The following SYNDIG1 variants were observed in gnomAD, a reference collection of about 807,000 sequenced individuals.
SYNDIG1 encodes the protein synapse differentiation inducing 1.
In SYNDIG1, 9 loss-of-function variants were observed where a neutral mutation model predicts 19.4. The ratio of observed to expected loss-of-function variants is 0.46; its 90% confidence interval spans 0.28 to 0.81. The LOEUF is 0.81. SYNDIG1 is among the 30% of genes least tolerant of loss of function. The probability of loss-of-function intolerance (pLI) is 0.12; values close to 1 mark genes in which losing one functional copy is unlikely to be tolerated. For synonymous variants in SYNDIG1, 141 were observed against 145.9 expected (o/e 0.97, Z 0.24); for missense variants, 311 against 343.3 (o/e 0.91, Z 0.74).
intron 3 of SYNDIG1, among the ~76,000 whole-genome samples, chr20:24,661,274 A>G (rs1005991411): frequency 4.2e-5 from 6 of 142,652 alleles, no homozygotes; most frequent in African/African-American, 1.5e-4. Context: ...CTTCTGTTAC[A>G]GAGCAAGTGA....
intron 1 of SYNDIG1, chr20:24,491,371 A>G: frequency 6.6e-6 from 1 of 152,310 alleles, no homozygotes; most frequent in East Asian, 1.9e-4. Context: ...GTCATGTCCG[A>G]ACAACGCCAA....
intron 3 of SYNDIG1, among the ~76,000 whole-genome samples, chr20:24,617,891 C>T (rs965681484): frequency 3.6e-5 from 5 of 137,926 alleles, no homozygotes; most frequent in Admixed American, 7.2e-5. Context: ...GGGTTGAGAG[C>T]CCGGGGAGCG....
intron 3 of SYNDIG1, among the ~76,000 whole-genome samples, chr20:24,600,549 T>A (rs2058663767): frequency 6.6e-6 from 1 of 152,048 alleles, no homozygotes; most frequent in African/African-American, 2.4e-5. Context: ...TGCACATTTT[T>A]ATTATTTTAC....
chr20:24,594,623 G>T (rs1354243501), intron 3 of SYNDIG1, among the ~76,000 whole-genome samples: 2 of 152,116 alleles, frequency 1.3e-5, no homozygotes, highest in South Asian at 2.1e-4. Context: ...AGGCAGTATG[G>T]CCATTTTAAC....
intron 1 of SYNDIG1, among the ~76,000 whole-genome samples, chr20:24,513,881 T>TC (rs1412371578): frequency 6.6e-6 from 1 of 152,094 alleles, no homozygotes; most frequent in East Asian, 1.9e-4. Flanking sequence ...GAGAGAAAGG[T>TC]CGGGTTACCC....
intron 3 of SYNDIG1, among the ~76,000 whole-genome samples, chr20:24,638,215 G>A (rs2059335450): frequency 6.6e-6 from 1 of 152,250 alleles, no homozygotes; most frequent in Non-Finnish European, 1.5e-5. Context: ...GCAGGGCTGA[G>A]AAGGACAGAA....
rs559313938 is a variant in SYNDIG1 at position 24,478,897 on chromosome 20, C to T, written c.-79+9144C>T. Among the ~76,000 whole-genome samples the T allele has an allele frequency of 4.5e-4, 68 of 152,276 alleles. 2 individuals carry two copies. In the South Asian group the frequency reaches 0.014, roughly 32 times the overall value. ...AGGCCAAGACATTTAGAGAGAATAT[C>T]GGATTGAACTCCGCAGGACAGCAGG... On this transcript the variant is annotated intron_variant, in intron 1 of 3. Coordinates refer to ENST00000376862, the MANE Select transcript of SYNDIG1 (RefSeq NM_024893.3).
chr20:24,612,565 T>C (rs1763068976), intron 3 of SYNDIG1, among the ~76,000 whole-genome samples: 1 of 152,208 alleles, frequency 6.6e-6, no homozygotes, highest in South Asian at 2.1e-4. Flanking sequence ...TAATTTTATT[T>C]CCCAGTAACT....
At chr20:24,482,126 GAGA>G (rs1372927549) in intron 1 of SYNDIG1, among the ~76,000 whole-genome samples, 4 of 152,320 alleles carry the variant, frequency 2.6e-5, no homozygotes, top group South Asian at 2.1e-4. Context: ...AGAAAAAGGT[GAGA>G]AGAAGTGGAA....
At chr20:24,575,083 T>A (rs1600662874) in intron 2 of SYNDIG1, among the ~76,000 whole-genome samples, 2 of 152,244 alleles carry the variant, frequency 1.3e-5, no homozygotes, top group Non-Finnish European at 2.9e-5. Flanking sequence ...GAGGTTTTTG[T>A]CTGACACAAG....
chr20:24,534,719 C>A (rs1020539923), intron 1 of SYNDIG1, among the ~76,000 whole-genome samples: 82 of 152,310 alleles, frequency 5.4e-4, no homozygotes, highest in African/African-American at 1.9e-3. Flanking sequence ...ACCTAGGTCC[C>A]CAGCTACACC....
rs1330870782 is a variant in SYNDIG1, at chr20:24,655,478, T to C, written c.619-9868T>C. Among the ~76,000 whole-genome samples, 3 of 152,156 alleles carry C rather than the reference T, an allele frequency of 2.0e-5. No homozygotes were observed. The South Asian group carries it at 6.2e-4, about 31-fold the overall frequency. The stretch of plus-strand genomic sequence containing the variant: ...GATAGGTAGTTGACAAATTGATAAA[T>C]CAAGAAATTAAATATGTTTAACTCC... On this transcript the variant is annotated intron_variant, in intron 3 of 3. Coordinates refer to ENST00000376862, the MANE Select transcript of SYNDIG1 (RefSeq NM_024893.3).
At chr20:24,506,542 A>G (rs929968154) in intron 1 of SYNDIG1, among the ~76,000 whole-genome samples, 1 of 152,120 alleles carries the variant, frequency 6.6e-6, no homozygotes, top group Non-Finnish European at 1.5e-5. Flanking sequence ...AAGATCTCAG[A>G]CTCTGAAGTT....
intron 1 of SYNDIG1, among the ~76,000 whole-genome samples, chr20:24,489,769 G>A (rs527858382): frequency 6.6e-6 from 1 of 152,246 alleles, no homozygotes; most frequent in Non-Finnish European, 1.5e-5. Flanking sequence ...TTGCCACTGG[G>A]GAGCCAGGGG....
At chr20:24,592,659 G>A (rs1319509388) in intron 3 of SYNDIG1, among the ~76,000 whole-genome samples, 1 of 152,114 alleles carries the variant, frequency 6.6e-6, no homozygotes, top group Non-Finnish European at 1.5e-5. Context: ...CATTGCCCAG[G>A]CTTGAGTGCA....
Position 24,543,373 on chromosome 20 carries a change from C to A in SYNDIG1, c.276C>A (p.Ile92=). Residue 92 remains isoleucine (I), a synonymous_variant, in exon 2 of 4, where the codon ATC becomes ATA. Transcript: ENST00000376862. ...SVESRYRPNI[I]LYSEGVLRSW... is the part of the protein sequence containing the mutation. ...AGTCCCGCTACCGGCCCAACATCATCCTCTATTCAGAGGGCGTGCTGCGCT... is the reference window on the plus strand; with the variant it reads ...AGTCCCGCTACCGGCCCAACATCATACTCTATTCAGAGGGCGTGCTGCGCT... 6.2e-7 allele frequency: 1 copy of A among 1,613,672 alleles called. No individual in the cohort carries two copies. The highest frequency in any genetic ancestry group is 8.5e-7 in the Non-Finnish European group (1 of 1,180,026).
intron 1 of SYNDIG1, among the ~76,000 whole-genome samples, chr20:24,475,383 C>A (rs2055588984): frequency 6.6e-6 from 1 of 152,234 alleles, no homozygotes; most frequent in South Asian, 2.1e-4. Context: ...CTATGTGTTT[C>A]TGTAGCCAAC....
At chr20:24,621,638 T>C (rs1443296086) in intron 3 of SYNDIG1, among the ~76,000 whole-genome samples, 3 of 152,148 alleles carry the variant, frequency 2.0e-5, no homozygotes, top group Admixed American at 6.5e-5. Context: ...TTGAAAGTCA[T>C]ACCCTTTTCT....
chr20:24,496,764 T>A (rs959895058), intron 1 of SYNDIG1, among the ~76,000 whole-genome samples: 1 of 152,240 alleles, frequency 6.6e-6, no homozygotes, highest in Non-Finnish European at 1.5e-5. Context: ...ACTAAAGCAC[T>A]ATATCCCCTG....
Sources: allele counts gnomAD v4.1 joint callset (sites outside exome capture counted in the v4.1 genomes callset), GRCh38; gene constraint gnomAD v4.1.1; transcripts MANE v1.5; gene names NCBI Gene and HGNC (gene_info 2026-07-23, HGNC 2026-07-21).